HAUS6: variants seen among roughly 807,000 people sequenced by gnomAD.
HAUS6 encodes the protein HAUS augmin like complex subunit 6, also known as HAUS augmin-like complex subunit 6.
Under a neutral mutation model 106.8 loss-of-function variants are expected in HAUS6, and 80 were observed. The observed-to-expected ratio is 0.75, with a 90% confidence interval of 0.63 to 0.90. The LOEUF is 0.90. Among genes scored for constraint, HAUS6 ranks in the 40% least tolerant of loss-of-function variants. The probability of loss-of-function intolerance (pLI) is 0.00; values close to 1 mark genes in which losing one functional copy is unlikely to be tolerated. For synonymous variants in HAUS6, 356 were observed against 379.1 expected (o/e 0.94, Z 0.71); for missense variants, 1,155 against 1,118.1 (o/e 1.03, Z -0.47).
At chr9:19,076,989 A>G (rs1424683327) in intron 10 of HAUS6, among the ~76,000 whole-genome samples, 1 of 152,066 alleles carries the variant, frequency 6.6e-6, no homozygotes, top group East Asian at 1.9e-4. Flanking sequence ...GCCTGCAGAG[A>G]CACACCACAA....
intron 4 of HAUS6, among the ~76,000 whole-genome samples, chr9:19,089,999 GT>G (rs568668586): frequency 4.7e-5 from 7 of 148,304 alleles, no homozygotes; most frequent in African/African-American, 7.4e-5. Flanking sequence ...TGCCCAGCTA[GT>G]TTTTTTTTTA....
chr9:19,078,703 G>A (rs188623789), intron 9 of HAUS6, among the ~76,000 whole-genome samples: 1 of 151,740 alleles, frequency 6.6e-6, no homozygotes, highest in African/African-American at 2.4e-5. Flanking sequence ...TAGGAGAATC[G>A]CTTGAACCCA....
intron 7 of HAUS6, among the ~76,000 whole-genome samples, chr9:19,084,445 C>T (rs960158580): frequency 6.6e-6 from 1 of 151,946 alleles, no homozygotes; most frequent in African/African-American, 2.4e-5. Context: ...GTTACATGGA[C>T]TTGTTCACTT....
At chr9:19,078,077 C>G in intron 10 of HAUS6, 99 bp downstream of exon 10, 1 of 892,036 alleles carries the variant, frequency 1.1e-6, no homozygotes, top group Non-Finnish European at 1.8e-6. Context: ...TATGATCGTG[C>G]CACTCTACTC....
Position 19,102,562 on chromosome 9 carries a change from A to T in HAUS6, c.90T>A (p.Ile30=). ...TGTGCGACACGATCTTTCCGCAGGC[A>T]ATGGTTGCCGGGCCTGGCTCGAAGC... is the stretch of plus-strand genomic sequence containing the variant. ...ALGFEPGPAT[I]ACGKIVSHTH... Residue 30 remains isoleucine (I), a synonymous_variant, in exon 1 of 17, where the codon ATT becomes ATA. Transcript: ENST00000380502. 1.2e-6 allele frequency: 2 copies of T among 1,613,894 alleles called. No homozygotes were observed. Among genetic ancestry groups the T allele is most frequent in the Non-Finnish European group, 1.7e-6 (2 of 1,179,882 alleles).
At position 19,078,224 on chromosome 9, in the gene HAUS6, T is replaced by C; in HGVS notation, c.1143A>G (p.Lys381=). The C allele has an allele frequency of 6.3e-7, 1 of 1,594,880 alleles. No individual in the cohort carries two copies. Among genetic ancestry groups the C allele is most frequent in the South Asian group, 1.1e-5 (1 of 90,638 alleles). ...TGAAAGGAGACAAACCAAGAAATTC[T>C]TTCCACTTTTTATGCCATTCTCCTT... The part of the protein sequence containing the change: ...EKQGEWHKKW[K]EFLGLSPFSL... The change falls in exon 10 of 17, where the codon AAA becomes AAG. Residue 381 remains lysine, a synonymous_variant. Transcript: ENST00000380502.
At position 19,102,658 on chromosome 9, in the gene HAUS6, G is replaced by A. The variant is rs1254730598; in HGVS notation, c.-7C>T. On this transcript the variant is annotated 5_prime_UTR_variant, in exon 1 of 17. Transcript: ENST00000380502. ...TGACCGAGGCCGAGCTCATCCTCGCGGTAGGCACGGTGGCTGCAAAGAAAG... is the reference window on the plus strand; with the variant it reads ...TGACCGAGGCCGAGCTCATCCTCGCAGTAGGCACGGTGGCTGCAAAGAAAG... The A allele has an allele frequency of 1.2e-6, 2 of 1,609,726 alleles. No homozygotes were observed. Among genetic ancestry groups the A allele is most frequent in the East Asian group, 2.2e-5 (1 of 44,662 alleles).
At chr9:19,061,345 C>T (rs1427186687) in intron 14 of HAUS6, among the ~76,000 whole-genome samples, 1 of 152,142 alleles carries the variant, frequency 6.6e-6, no homozygotes, top group Non-Finnish European at 1.5e-5. Context: ...TAAGACTTTC[C>T]TCTTCTATCT....
At chr9:19,097,475 T>C (rs1170950973) in intron 1 of HAUS6, among the ~76,000 whole-genome samples, 1 of 152,018 alleles carries the variant, frequency 6.6e-6, no homozygotes, top group South Asian at 2.1e-4. Context: ...AAGACATTTA[T>C]GCAGCCAAAA....
intron 11 of HAUS6, among the ~76,000 whole-genome samples, chr9:19,072,666 T>C (rs1836904685): frequency 6.6e-6 from 1 of 152,094 alleles, no homozygotes. Context: ...CATTCAAAAA[T>C]GAGTGCAAAT....
chr9:19,058,210 G>C lies in HAUS6; in HGVS notation c.2557C>G (p.Leu853Val). 2.5e-6 allele frequency: 4 copies of C among 1,613,840 alleles called. No homozygotes were observed. Among genetic ancestry groups the C allele is most frequent in the Non-Finnish European group, 3.4e-6 (4 of 1,179,784 alleles). The part of the protein sequence containing the change: ...SLSKKREESY[L>V]SNSQTPERHK... The stretch of plus-strand genomic sequence containing the variant: ...CTTTCGGGTGTTTGGGAATTCGAGA[G>C]GTAAGATTCTTCCCTTTTCTTGGAA... The change falls in exon 16 of 17, where the codon CTC (leucine) becomes GTC (valine). Residue 853 changes from leucine (L) to valine (V), a missense_variant. This residue lies in a region of HAUS6 where 380 missense variants were observed against 394.8 expected (regional missense o/e 0.96). Transcript: ENST00000380502.
intron 11 of HAUS6, among the ~76,000 whole-genome samples, chr9:19,075,867 T>C (rs1363771556): frequency 6.6e-6 from 1 of 150,798 alleles, no homozygotes; most frequent in Non-Finnish European, 1.5e-5. Flanking sequence ...TGAGGCAAGA[T>C]GGTTAATTGC....
chr9:19,102,407 C>T, intron 1 of HAUS6, 117 bp downstream of exon 1: 2 of 1,140,722 alleles, frequency 1.8e-6, no homozygotes, highest in Non-Finnish European at 1.3e-6. Context: ...CAATGCCTGG[C>T]ACAGAGTAAC....
At chr9:19,087,305 A>G (rs1837321441) in intron 5 of HAUS6, 149 bp from the exon 6 acceptor site, 1 of 611,014 alleles carries the variant, frequency 1.6e-6, no homozygotes, top group South Asian at 2.1e-5. Flanking sequence ...TCTTTATCAC[A>G]CAAGTGATTC....
At chr9:19,074,872 GGTTA>G (rs913263223) in intron 11 of HAUS6, among the ~76,000 whole-genome samples, 3 of 152,086 alleles carry the variant, frequency 2.0e-5, no homozygotes, top group Non-Finnish European at 4.4e-5. Context: ...AATTAACACA[GGTTA>G]ATTATTGTAC....
At chr9:19,066,140 T>G (rs752814111) in intron 12 of HAUS6, among the ~76,000 whole-genome samples, 11 of 151,982 alleles carry the variant, frequency 7.2e-5, no homozygotes, top group Non-Finnish European at 1.6e-4. Context: ...TTCACCATGT[T>G]GGCCAGGCTG....
At chr9:19,060,515 G>A (rs1437396562) in intron 14 of HAUS6, among the ~76,000 whole-genome samples, 1 of 152,246 alleles carries the variant, frequency 6.6e-6, no homozygotes, top group Non-Finnish European at 1.5e-5. Flanking sequence ...GGCAGTTCCA[G>A]TTGTGCAGTG....
chr9:19,063,686 T>C (rs764565850), intron 12 of HAUS6, 106 bp from the exon 13 acceptor site: 1 of 829,720 alleles, frequency 1.2e-6, no homozygotes, highest in Non-Finnish European at 2.1e-6. Context: ...TCCGTTACGA[T>C]TTCACTCAAT....
chr9:19,094,258 G>C, intron 3 of HAUS6, 59 bp downstream of exon 3: 1 of 958,668 alleles, frequency 1.0e-6, no homozygotes. Context: ...AAAAGTTAAA[G>C]AGTTAAAGTA....
Sources: allele counts gnomAD v4.1 joint callset (sites outside exome capture counted in the v4.1 genomes callset), GRCh38; gene constraint gnomAD v4.1.1; regional missense constraint gnomAD v4.1.1; transcripts MANE v1.5; gene names NCBI Gene and HGNC (gene_info 2026-07-23, HGNC 2026-07-21).